Variants in NSD3 observed in about 807,000 individuals in gnomAD.
NSD3 encodes histone-lysine N-methyltransferase NSD3.
NSD3 carries 24 observed loss-of-function variants against 160.8 expected under a neutral mutation model. The observed-to-expected ratio is 0.15, with a 90% CI of 0.11 to 0.21. NSD3 has a LOEUF of 0.21. Among genes scored for constraint, NSD3 ranks in the 10% least tolerant of loss-of-function variants. NSD3 has a pLI of 1.00. For missense variants in NSD3, 1,157 were observed against 1,735.9 expected (o/e 0.67, Z 5.93); for synonymous variants, 520 against 600.0 (o/e 0.87, Z 1.95).
Position 38,321,286 on chromosome 8 carries a change from T to A in NSD3, c.1709-114A>T. On this transcript the variant is annotated intron_variant, in intron 7 of 23. Coordinates refer to ENST00000317025, the MANE Select transcript of NSD3 (RefSeq NM_023034.2). The surrounding 1 kb of genome is among the most constrained non-coding windows in gnomAD (Gnocchi z 4.7). ...TTCTTACCCATTACTTTTGGAATTT[T>A]AATTAAAATCATTAAAAAATGCTAA... is the stretch of plus-strand genomic sequence containing the variant. 1.3e-6 allele frequency: 1 copy of A among 762,034 alleles called. No homozygotes were observed. Among genetic ancestry groups the A allele is most frequent in the Non-Finnish European group, 2.0e-6 (1 of 490,122 alleles). The allele number at this position is 762,034 out of a possible 1,614,324, so 47.2% of individuals were successfully genotyped here. A position where few individuals can be genotyped will look rare whatever the true frequency, so the allele number is the denominator to read the frequency against.
chr8:38,289,314 A>C (rs1808940841), intron 18 of NSD3, 79 bp downstream of exon 18: 1 of 1,334,006 alleles, frequency 7.5e-7, no homozygotes, highest in Non-Finnish European at 1.0e-6. Flanking sequence ...TCATCTATTA[A>C]ATAACAATGC....
chr8:38,377,601 A>G (rs1237117963), intron 1 of NSD3, among the ~76,000 whole-genome samples: 1 of 152,060 alleles, frequency 6.6e-6, no homozygotes, highest in Non-Finnish European at 1.5e-5. Flanking sequence ...CGCCCGCCTC[A>G]GCCTCCCTCC....
intron 1 of NSD3, among the ~76,000 whole-genome samples, chr8:38,362,694 A>G (rs575460150): frequency 4.6e-5 from 7 of 152,342 alleles, no homozygotes; most frequent in South Asian, 4.1e-4. Context: ...TAATTCTACA[A>G]GCATATATAA....
intron 2 of NSD3, among the ~76,000 whole-genome samples, chr8:38,346,636 T>G (rs1406958044): frequency 6.6e-6 from 1 of 152,012 alleles, no homozygotes; most frequent in Admixed American, 6.6e-5. Context: ...CACTGGGACT[T>G]GTGAGAGTCT....
chr8:38,335,814 T>C (rs764998127), intron 4 of NSD3, among the ~76,000 whole-genome samples: 6 of 152,220 alleles, frequency 3.9e-5, no homozygotes, highest in Non-Finnish European at 7.3e-5. Flanking sequence ...ATTTAAAATA[T>C]GGGATAATAA....
intron 21 of NSD3, 23 bp downstream of exon 21, chr8:38,279,517 T>C (rs1391788269): frequency 1.9e-6 from 3 of 1,611,442 alleles, no homozygotes; most frequent in African/African-American, 2.7e-5. Flanking sequence ...GAGGAAAGCA[T>C]GGGGAACGAG....
chr8:38,277,380 C>T (rs916158614), intron 22 of NSD3, among the ~76,000 whole-genome samples: 3 of 152,200 alleles, frequency 2.0e-5, no homozygotes, highest in African/African-American at 4.8e-5. Flanking sequence ...CAGTTTCAAG[C>T]GATTCTTCTG....
At chr8:38,294,046 T>C (rs749070007) in intron 16 of NSD3, among the ~76,000 whole-genome samples, 21 of 150,894 alleles carry the variant, frequency 1.4e-4, no homozygotes, top group Admixed American at 6.6e-5. Context: ...AAATGATAAA[T>C]ATATGCCTCA....
chr8:38,306,619 C>T (rs1809399142), intron 12 of NSD3, among the ~76,000 whole-genome samples: 1 of 151,918 alleles, frequency 6.6e-6, no homozygotes, highest in South Asian at 2.1e-4. Flanking sequence ...GGAGAAAACG[C>T]ACACAACATA....
intron 1 of NSD3, among the ~76,000 whole-genome samples, chr8:38,368,391 A>G (rs1585930004): frequency 6.6e-6 from 1 of 152,370 alleles, no homozygotes; most frequent in East Asian, 1.9e-4. Context: ...TGTTTAGAGA[A>G]GGATGATGAT....
intron 1 of NSD3, among the ~76,000 whole-genome samples, chr8:38,360,954 G>C (rs1284647563): frequency 1.3e-5 from 2 of 152,130 alleles, no homozygotes; most frequent in African/African-American, 4.8e-5. Context: ...AACAGGACTT[G>C]TTATATGACA....
chr8:38,368,769 A>C (rs780082608), intron 1 of NSD3, among the ~76,000 whole-genome samples: 6 of 152,180 alleles, frequency 3.9e-5, no homozygotes, highest in Non-Finnish European at 8.8e-5. Context: ...ACTTGAAGGA[A>C]ATTACATTAT....
intron 2 of NSD3, among the ~76,000 whole-genome samples, chr8:38,343,595 G>A (rs1280309935): frequency 6.6e-6 from 1 of 151,938 alleles, no homozygotes; most frequent in Non-Finnish European, 1.5e-5. Context: ...CCCAGCTACT[G>A]AGGAGGCTGA....
chr8:38,358,922 A>ATT (rs5891011), intron 1 of NSD3, among the ~76,000 whole-genome samples: 1 of 150,614 alleles, frequency 6.6e-6, no homozygotes, highest in Admixed American at 6.6e-5. Context: ...GGAACAGTTA[A>ATT]TTTTTTTTTT....
chr8:38,305,530 C>T, intron 12 of NSD3, 85 bp from the exon 13 acceptor site: 1 of 1,308,940 alleles, frequency 7.6e-7, no homozygotes, highest in Non-Finnish European at 1.1e-6. Context: ...CAAACAGCTA[C>T]TCCTAAAACA....
chr8:38,292,044 T>C (rs1809007482), intron 16 of NSD3, among the ~76,000 whole-genome samples: 1 of 152,216 alleles, frequency 6.6e-6, no homozygotes, highest in Non-Finnish European at 1.5e-5. Flanking sequence ...ATTTAAGTGT[T>C]AAAATAAATC....
chr8:38,361,769 A>G (rs1381818792), intron 1 of NSD3, among the ~76,000 whole-genome samples: 2 of 151,064 alleles, frequency 1.3e-5, no homozygotes, highest in East Asian at 3.9e-4. Flanking sequence ...AAAAAAAAAA[A>G]AAAAAAAAAA....
chr8:38,353,932 C>T (rs1425218787), intron 1 of NSD3, among the ~76,000 whole-genome samples: 6 of 152,158 alleles, frequency 3.9e-5, no homozygotes, highest in African/African-American at 1.2e-4. Flanking sequence ...AACATCCTAC[C>T]GCCAGAGAAT....
intron 1 of NSD3, among the ~76,000 whole-genome samples, chr8:38,376,461 G>A (rs1173171946): frequency 1.3e-5 from 2 of 150,080 alleles, no homozygotes; most frequent in East Asian, 3.9e-4. Context: ...TTGAGACAAA[G>A]TTTTGCTTTT....
Sources: gnomAD v4.1 joint callset for allele counts (sites outside exome capture counted in the v4.1 genomes callset) on GRCh38, gnomAD v4.1.1 for gene constraint, Gnocchi (gnomAD v3.1) non-coding constraint, MANE v1.5 for transcripts, NCBI Gene and HGNC (gene_info 2026-07-23, HGNC 2026-07-21) for gene names.